SND1: variants seen among roughly 807,000 people sequenced by gnomAD.
The protein encoded by SND1 is staphylococcal nuclease and tudor domain containing 1.
Under a neutral mutation model 121.7 loss-of-function variants are expected in SND1, and 38 were observed. The ratio of observed to expected loss-of-function variants is 0.31; its 90% CI spans 0.24 to 0.41. SND1 has a LOEUF of 0.41. SND1 is among the 10% of genes least tolerant of loss of function. SND1 has a pLI of 1.00. For synonymous variants in SND1, 401 were observed against 447.4 expected (o/e 0.90, Z 1.31); for missense variants, 868 against 1,184.6 (o/e 0.73, Z 3.92).
intron 11 of SND1, among the ~76,000 whole-genome samples, chr7:127,823,164 T>C (rs1563025737): frequency 6.6e-6 from 1 of 152,132 alleles, no homozygotes; most frequent in Non-Finnish European, 1.5e-5. Context: ...TTGGGGGAGA[T>C]ACAGAGTGAG....
chr7:128,080,445 G>A (rs527390704), intron 17 of SND1, among the ~76,000 whole-genome samples: 7 of 152,376 alleles, frequency 4.6e-5, no homozygotes, highest in Middle Eastern at 3.4e-3. Context: ...AGAGCAACCT[G>A]CTGGAGGTGA....
intron 10 of SND1, among the ~76,000 whole-genome samples, chr7:127,727,798 T>G (rs1796608224): frequency 6.6e-6 from 1 of 152,176 alleles, no homozygotes; most frequent in Admixed American, 6.5e-5. Context: ...TGGGCATTTT[T>G]GAGAAGAACA....
chr7:127,735,562 A>G (rs1280423034), intron 10 of SND1, among the ~76,000 whole-genome samples: 2 of 152,064 alleles, frequency 1.3e-5, no homozygotes, highest in Non-Finnish European at 2.9e-5. Flanking sequence ...AAAAAGAAAA[A>G]TATACCTTTA....
intron 15 of SND1, among the ~76,000 whole-genome samples, chr7:127,943,730 T>C (rs576610900): frequency 1.3e-5 from 2 of 152,190 alleles, no homozygotes; most frequent in South Asian, 4.2e-4. Flanking sequence ...GAAGGTGCAT[T>C]TGGATGGTGT....
chr7:128,052,908 T>G lies in SND1; in HGVS notation c.1780-21594T>G, dbSNP rs1479018908. ...TCAGGGACTTCTAGTTTAGAGCTGG[T>G]ACCTACTGTATGGATAGTGCAAGTC... On this transcript the variant is annotated intron_variant, in intron 16 of 23. Coordinates refer to ENST00000354725, the MANE Select transcript of SND1 (RefSeq NM_014390.4). The surrounding 1 kb of genome is among the most constrained non-coding windows in gnomAD (Gnocchi z 4.6). 6.6e-6 allele frequency among the ~76,000 whole-genome samples: 1 copy of G among 152,230 alleles called. No homozygotes were observed. Among genetic ancestry groups the G allele is most frequent in the Non-Finnish European group, 1.5e-5 (1 of 68,042 alleles).
At chr7:127,713,376 C>T (rs1263037080) in intron 9 of SND1, among the ~76,000 whole-genome samples, 1 of 152,224 alleles carries the variant, frequency 6.6e-6, no homozygotes, top group Non-Finnish European at 1.5e-5. Context: ...AGTTCTGTAT[C>T]ATTTTACCTG....
chr7:127,919,181 G>C (rs1800648245), intron 14 of SND1, among the ~76,000 whole-genome samples: 1 of 152,188 alleles, frequency 6.6e-6, no homozygotes, highest in South Asian at 2.1e-4. Flanking sequence ...AGTATGAAAA[G>C]TGTTTTAGCC....
chr7:127,981,140 C>G (rs1802249462), intron 15 of SND1, among the ~76,000 whole-genome samples: 1 of 152,160 alleles, frequency 6.6e-6, no homozygotes, highest in Non-Finnish European at 1.5e-5. Flanking sequence ...AAAGCTTGAG[C>G]CATGTAGGAG....
At chr7:127,901,760 C>G (rs1383789531) in intron 13 of SND1, among the ~76,000 whole-genome samples, 6 of 152,126 alleles carry the variant, frequency 3.9e-5, no homozygotes, top group Non-Finnish European at 1.5e-5. Context: ...CTTGCTTCCT[C>G]TTGAATGTGC....
At chr7:127,983,349 G>C (rs1802310160) in intron 15 of SND1, among the ~76,000 whole-genome samples, 1 of 152,132 alleles carries the variant, frequency 6.6e-6, no homozygotes, top group Admixed American at 6.5e-5. Flanking sequence ...TCTTGTCCTT[G>C]ACAATGACTC....
intron 11 of SND1, among the ~76,000 whole-genome samples, chr7:127,819,339 T>A (rs1798503485): frequency 6.6e-6 from 1 of 152,158 alleles, no homozygotes; most frequent in Non-Finnish European, 1.5e-5. Context: ...TTGGGATGAA[T>A]TCATTTCTTT....
intron 10 of SND1, among the ~76,000 whole-genome samples, chr7:127,730,591 G>A (rs1796658020): frequency 6.6e-6 from 1 of 152,214 alleles, no homozygotes; most frequent in African/African-American, 2.4e-5. Flanking sequence ...TGTCCTGCTG[G>A]TTCTGGATAG....
chr7:127,731,577 C>T (rs1385201012), intron 10 of SND1, among the ~76,000 whole-genome samples: 1 of 152,098 alleles, frequency 6.6e-6, no homozygotes, highest in African/African-American at 2.4e-5. Context: ...CCTTCCTTCC[C>T]TCACTCCTCC....
chr7:128,046,992 A>G (rs1322988418), intron 16 of SND1, among the ~76,000 whole-genome samples: 5 of 152,238 alleles, frequency 3.3e-5, no homozygotes, highest in African/African-American at 9.6e-5. Context: ...GTTGATAAAG[A>G]AATACATGTA....
intron 12 of SND1, among the ~76,000 whole-genome samples, chr7:127,883,799 C>T (rs560774342): frequency 2.6e-5 from 4 of 152,234 alleles, no homozygotes; most frequent in Non-Finnish European, 5.9e-5. Flanking sequence ...CCATCATGGC[C>T]TTGACACTTC....
At chr7:127,948,156 A>G (rs1169996518) in intron 15 of SND1, among the ~76,000 whole-genome samples, 1 of 152,218 alleles carries the variant, frequency 6.6e-6, no homozygotes, top group Non-Finnish European at 1.5e-5. Context: ...CTTATTTCTC[A>G]CCCAGACTGT....
chr7:127,941,839 A>C (rs974834932), intron 15 of SND1, among the ~76,000 whole-genome samples: 1 of 146,524 alleles, frequency 6.8e-6, no homozygotes, highest in Non-Finnish European at 1.5e-5. Context: ...TCTCTTTTTT[A>C]GCAAACTGCT....
In SND1 at chr7:127,696,938, A is replaced by G. The variant is rs1035827712; in HGVS notation, c.350-1937A>G. ...CATTTTAAAGATAAAGAAATAGTTT[A>G]ATGTTTAATATTTTCACTAAGGTAT... is the stretch of plus-strand genomic sequence containing the variant. On this transcript the variant is annotated intron_variant, in intron 3 of 23. Coordinates refer to ENST00000354725, the MANE Select transcript of SND1 (RefSeq NM_014390.4). Among the ~76,000 whole-genome samples, 3 of 152,208 alleles carry G rather than the reference A, an allele frequency of 2.0e-5. 1 individual carries two copies. Among genetic ancestry groups the G allele is most frequent in the Admixed American group, 1.3e-4 (2 of 15,282 alleles).
intron 1 of SND1, among the ~76,000 whole-genome samples, chr7:127,668,627 C>A (rs1402000132): frequency 6.6e-6 from 1 of 152,220 alleles, no homozygotes; most frequent in African/African-American, 2.4e-5. Flanking sequence ...ACAATTGAGA[C>A]ATGGTCCTTG....
Sources: allele counts gnomAD v4.1 joint callset (sites outside exome capture counted in the v4.1 genomes callset), GRCh38; gene constraint gnomAD v4.1.1; non-coding constraint Gnocchi (gnomAD v3.1); transcripts MANE v1.5; gene names NCBI Gene and HGNC (gene_info 2026-07-23, HGNC 2026-07-21).